Variants in KCNH5 observed in about 807,000 individuals in gnomAD.
The protein encoded by KCNH5 is voltage-gated delayed rectifier potassium channel KCNH5.
A neutral mutation model predicts 96.1 loss-of-function variants in KCNH5; 46 were observed. The ratio of observed to expected loss-of-function variants is 0.48; its 90% CI spans 0.38 to 0.61. The LOEUF (loss-of-function observed/expected upper bound fraction) is 0.61, where lower values mean the gene tolerates loss of function less well. Ranked by LOEUF, KCNH5 falls within the 20% of genes least tolerant of loss-of-function variation. KCNH5 has a pLI of 0.00. For synonymous variants in KCNH5, 439 were observed against 449.8 expected, an observed-to-expected ratio of 0.98 and a Z score of 0.30; for missense variants, 907 against 1,225.8, an observed-to-expected ratio of 0.74 and a Z score of 3.88.
At chr14:62,746,885 T>C (rs1885387048) in intron 10 of KCNH5, among the ~76,000 whole-genome samples, 1 of 152,232 alleles carries the variant, frequency 6.6e-6, no homozygotes, top group African/African-American at 2.4e-5. Context: ...TATTATGTTC[T>C]TTCACAAACA....
At position 62,937,792 on chromosome 14, in the gene KCNH5, T is replaced by C. The variant is rs189954678; in HGVS notation, c.1369+12341A>G. On this transcript the variant is annotated intron_variant, in intron 7 of 10. Transcript: ENST00000322893. ...AGAAAAAGAGACAAATAGATCCAGATGGAGTTGTTAAGGCAGCAAAAGGGC... is the reference window on the plus strand; with the variant it reads ...AGAAAAAGAGACAAATAGATCCAGACGGAGTTGTTAAGGCAGCAAAAGGGC... 7.2e-4 allele frequency among the ~76,000 whole-genome samples: 110 copies of C among 152,208 alleles called. 1 individual carries two copies. The East Asian group carries it at 0.015, about 21-fold the overall frequency.
intron 10 of KCNH5, among the ~76,000 whole-genome samples, chr14:62,763,229 T>C (rs1410615078): frequency 6.6e-6 from 1 of 152,078 alleles, no homozygotes; most frequent in Non-Finnish European, 1.5e-5. Flanking sequence ...TAGAAATTAA[T>C]ACTAAGATGC....
chr14:62,773,435 G>A (rs1211983971), intron 10 of KCNH5, among the ~76,000 whole-genome samples: 2 of 151,976 alleles, frequency 1.3e-5, no homozygotes, highest in Non-Finnish European at 2.9e-5. Flanking sequence ...TAACCCTCTC[G>A]TAGCACTTAT....
At chr14:63,032,920 C>T (rs757308871) in intron 1 of KCNH5, among the ~76,000 whole-genome samples, 51 of 152,154 alleles carry the variant, frequency 3.4e-4, no homozygotes, top group Non-Finnish European at 2.1e-4. Flanking sequence ...TCAAGGATAT[C>T]TTCCCTACCT....
intron 7 of KCNH5, among the ~76,000 whole-genome samples, chr14:62,933,292 A>G (rs1381495827): frequency 2.0e-5 from 3 of 152,222 alleles, no homozygotes; most frequent in African/African-American, 7.2e-5. Context: ...GGGAAATCAA[A>G]TGTTGTACAG....
chr14:63,027,913 T>C (rs1209402825), intron 1 of KCNH5, among the ~76,000 whole-genome samples: 1 of 152,130 alleles, frequency 6.6e-6, no homozygotes, highest in Non-Finnish European at 1.5e-5. Context: ...CAGACATGTA[T>C]ATACACAATA....
chr14:63,026,838 G>A lies in KCNH5; in HGVS notation c.74-9884C>T, dbSNP rs576438297. ...AAATAGAACCACCATATGATTCAGC[G>A]ATTCCACGACTCAGTAAATATCCAA... On this transcript the variant is annotated intron_variant, in intron 1 of 10. Coordinates refer to ENST00000322893, the MANE Select transcript of KCNH5 (RefSeq NM_139318.5). Among the ~76,000 whole-genome samples, 10 of 152,082 alleles carry A rather than the reference G, an allele frequency of 6.6e-5. No homozygotes were observed. The South Asian group carries it at 1.0e-3, about 16-fold the overall frequency.
intron 4 of KCNH5, among the ~76,000 whole-genome samples, chr14:62,993,318 A>G (rs1890847745): frequency 6.6e-6 from 1 of 151,984 alleles, no homozygotes; most frequent in South Asian, 2.1e-4. Flanking sequence ...GTTCCATATG[A>G]ATTTTAGAAT....
intron 1 of KCNH5, 70 bp from the exon 2 acceptor site, chr14:63,017,024 A>G: frequency 6.8e-7 from 1 of 1,461,280 alleles, no homozygotes; most frequent in Non-Finnish European, 9.3e-7. Flanking sequence ...CAAGTAATCA[A>G]AAAGGCAAAC....
chr14:62,792,422 T>C (rs1886454333), intron 9 of KCNH5, among the ~76,000 whole-genome samples: 1 of 151,214 alleles, frequency 6.6e-6, no homozygotes, highest in African/African-American at 2.4e-5. Context: ...TTTAAGGAGG[T>C]AGAAGAAATG....
At chr14:62,913,517 C>A (rs1034664315) in intron 7 of KCNH5, among the ~76,000 whole-genome samples, 2 of 152,116 alleles carry the variant, frequency 1.3e-5, no homozygotes, top group African/African-American at 4.8e-5. Context: ...TGAGCCACTG[C>A]GCCCGGCCAA....
Position 62,993,100 on chromosome 14 carries a change from C to T in KCNH5, c.434-5913G>A, listed in dbSNP as rs1184334380. ...TTTCCCCAATATATGTTCTTATTGG[C>T]TTTGTCAAAGATCAGTTGTCTGTAA... On this transcript the variant is annotated intron_variant, in intron 4 of 10. Transcript: ENST00000322893. 2.6e-5 allele frequency among the ~76,000 whole-genome samples: 4 copies of T among 151,962 alleles called. No homozygotes were observed. In the East Asian group the frequency reaches 5.8e-4, roughly 22 times the overall value.
At chr14:62,899,598 G>A (rs1304185027) in intron 7 of KCNH5, among the ~76,000 whole-genome samples, 2 of 151,982 alleles carry the variant, frequency 1.3e-5, no homozygotes, top group Admixed American at 1.3e-4. Flanking sequence ...TTGGGAGGCC[G>A]AGGCGGGCGG....
Position 62,921,813 on chromosome 14 carries a change from T to C in KCNH5, c.1369+28320A>G, listed in dbSNP as rs570661932. Among the ~76,000 whole-genome samples the C allele has an allele frequency of 2.6e-5, 4 of 152,248 alleles. No individual in the cohort carries two copies. The East Asian group carries it at 7.7e-4, about 29-fold the overall frequency. On this transcript the variant is annotated intron_variant, in intron 7 of 10. Transcript: ENST00000322893. The stretch of plus-strand genomic sequence containing the variant: ...CAATGGACAAAGAAGGACAGATCTT[T>C]TTATCTAACAGCCTTGTGGAGCAAG...
intron 8 of KCNH5, 69 bp downstream of exon 8, chr14:62,849,584 T>C: frequency 7.9e-7 from 1 of 1,272,152 alleles, no homozygotes; most frequent in South Asian, 1.2e-5. Flanking sequence ...AATACGTGAC[T>C]GGAAAAGCTT....
chr14:62,921,560 T>C (rs1259834997), intron 7 of KCNH5, among the ~76,000 whole-genome samples: 2 of 152,140 alleles, frequency 1.3e-5, no homozygotes, highest in African/African-American at 4.8e-5. Flanking sequence ...ATCACCAGCA[T>C]TCTGGGAAAT....
At chr14:62,898,871 T>C (rs1888867806) in intron 7 of KCNH5, among the ~76,000 whole-genome samples, 1 of 152,138 alleles carries the variant, frequency 6.6e-6, no homozygotes, top group South Asian at 2.1e-4. Flanking sequence ...TAATGGTTAA[T>C]AGTTGGTGGA....
intron 10 of KCNH5, among the ~76,000 whole-genome samples, chr14:62,757,770 T>G (rs1312474323): frequency 6.6e-6 from 1 of 152,026 alleles, no homozygotes; most frequent in African/African-American, 2.4e-5. Flanking sequence ...CTCATGGAGA[T>G]AGAGAGTAGA....
intron 7 of KCNH5, among the ~76,000 whole-genome samples, chr14:62,880,886 T>C (rs987016985): frequency 6.6e-5 from 10 of 152,188 alleles, no homozygotes; most frequent in African/African-American, 2.4e-4. Flanking sequence ...TGGATGTTTG[T>C]TGCCAAACAG....
Sources: allele counts gnomAD v4.1 joint callset (sites outside exome capture counted in the v4.1 genomes callset), GRCh38; gene constraint gnomAD v4.1.1; transcripts MANE v1.5; gene names NCBI Gene and HGNC (gene_info 2026-07-23, HGNC 2026-07-21).